BRD10: variants seen among roughly 807,000 people sequenced by gnomAD.
BRD10 encodes uncharacterized bromodomain-containing protein 10.
chr9:5,947,142 CATAAA>C, the BRD10 span, among the ~76,000 whole-genome samples: 1 of 152,222 alleles, frequency 6.6e-6, no homozygotes, highest in African/African-American at 2.4e-5. Context: ...TTAAGAGCTA[CATAAA>C]ATAACACTTT....
At chr9:5,940,218 G>C in the BRD10 span, among the ~76,000 whole-genome samples, 1 of 152,002 alleles carries the variant, frequency 6.6e-6, no homozygotes, top group Non-Finnish European at 1.5e-5. Flanking sequence ...CTGTCGCCCA[G>C]GCTGGAGTGC....
At chr9:5,924,613 CTT>C in the BRD10 span, 1 of 1,212,974 alleles carries the variant, frequency 8.2e-7, no homozygotes, top group Non-Finnish European at 1.1e-6. Context: ...AAAAACTTCT[CTT>C]TGTGCCTTCA....
the BRD10 span, chr9:5,921,395 G>T: frequency 3.1e-6 from 5 of 1,613,956 alleles, no homozygotes; most frequent in Non-Finnish European, 4.2e-6. Context: ...TTTATGCAAT[G>T]GAGGAGGAAG....
At chr9:5,907,442 A>G in the BRD10 span, among the ~76,000 whole-genome samples, 157 of 152,382 alleles carry the variant, frequency 1.0e-3, no homozygotes, top group African/African-American at 3.6e-3. Context: ...ACATGGTGCT[A>G]TTGAACACTT....
chr9:5,932,398 C>T, the BRD10 span, among the ~76,000 whole-genome samples: 1 of 151,896 alleles, frequency 6.6e-6, no homozygotes, highest in African/African-American at 2.4e-5. Context: ...AGGTATCCAA[C>T]CACAGATATA....
the BRD10 span, chr9:5,921,455 G>A: frequency 1.9e-6 from 3 of 1,613,826 alleles, no homozygotes; most frequent in Non-Finnish European, 2.5e-6. Flanking sequence ...TGTACCACTA[G>A]GAACTGGGGC....
At chr9:5,884,560 C>T in the BRD10 span, among the ~76,000 whole-genome samples, 1 of 152,208 alleles carries the variant, frequency 6.6e-6, no homozygotes, top group Middle Eastern at 3.2e-3. Flanking sequence ...TTCCACTGGA[C>T]TGGCCTTCAT....
At chr9:5,881,988 C>T in the BRD10 span, among the ~76,000 whole-genome samples, 13 of 152,330 alleles carry the variant, frequency 8.5e-5, no homozygotes, top group Admixed American at 7.2e-4. Flanking sequence ...GGTGATGTCA[C>T]TGTCATGCAG....
At chr9:5,957,052 T>C in the BRD10 span, among the ~76,000 whole-genome samples, 1 of 152,128 alleles carries the variant, frequency 6.6e-6, no homozygotes, top group Non-Finnish European at 1.5e-5. Context: ...CTGACAACGA[T>C]TTTAAATAAT....
At chr9:5,940,199 A>G in the BRD10 span, among the ~76,000 whole-genome samples, 97 of 152,278 alleles carry the variant, frequency 6.4e-4, no homozygotes, top group Non-Finnish European at 1.2e-3. Context: ...GTTTTGAGAT[A>G]GTCTTGCTCT....
At chr9:5,919,477 T>C in the BRD10 span, 3 of 500,506 alleles carry the variant, frequency 6.0e-6, no homozygotes, top group African/African-American at 3.9e-5. Context: ...GTAAGTGAAA[T>C]GGAACAGATC....
At chr9:6,002,673 A>G in the BRD10 span, among the ~76,000 whole-genome samples, 1 of 151,224 alleles carries the variant, frequency 6.6e-6, no homozygotes, top group Non-Finnish European at 1.5e-5. Flanking sequence ...TTGAGCCTTC[A>G]TGAGGATGCT....
the BRD10 span, among the ~76,000 whole-genome samples, chr9:5,972,224 A>G: frequency 8.5e-5 from 13 of 152,210 alleles, no homozygotes; most frequent in Admixed American, 8.5e-4. Context: ...TCTGGCCCCA[A>G]GATAATAGAT....
chr9:5,880,420 G>A, the BRD10 span, among the ~76,000 whole-genome samples: 1 of 151,732 alleles, frequency 6.6e-6, no homozygotes, highest in Non-Finnish European at 1.5e-5. Flanking sequence ...GCTGATGCAG[G>A]AGAGAACTGC....
chr9:5,946,601 A>ATTTGTTGT, the BRD10 span, among the ~76,000 whole-genome samples: 1 of 152,020 alleles, frequency 6.6e-6, no homozygotes. Flanking sequence ...TATTATGATG[A>ATTTGTTGT]CGGTGTCAAA....
the BRD10 span, among the ~76,000 whole-genome samples, chr9:5,914,516 C>T: frequency 2.9e-4 from 41 of 140,006 alleles, no homozygotes; most frequent in East Asian, 1.4e-3. Context: ...CTCCGCCTCC[C>T]GGGTTCACGC....
chr9:5,933,462 A>G, the BRD10 span, among the ~76,000 whole-genome samples: 1 of 152,206 alleles, frequency 6.6e-6, no homozygotes, highest in Admixed American at 6.5e-5. Flanking sequence ...TTCTCATCCA[A>G]TGTCCACGGC....
chr9:5,881,768 C>G, the BRD10 span: 1 of 151,992 alleles, frequency 6.6e-6, no homozygotes, highest in Non-Finnish European at 1.5e-5. Flanking sequence ...TACACTGAAA[C>G]AGACAATTGT....
the BRD10 span, chr9:5,919,344 A>G: frequency 1.1e-5 from 2 of 178,460 alleles, no homozygotes; most frequent in Admixed American, 5.5e-5. Flanking sequence ...AAGAAGAAAC[A>G]TGTCAATGTA....
Sources: gnomAD v4.1 joint callset for allele counts (sites outside exome capture counted in the v4.1 genomes callset) on GRCh38, gnomAD v4.1.1 for gene constraint, MANE v1.5 for transcripts, NCBI Gene and HGNC (gene_info 2026-07-23, HGNC 2026-07-21) for gene names.